RPS8: variants seen among roughly 807,000 people sequenced by gnomAD.
RPS8 encodes ribosomal protein S8.
For synonymous variants in RPS8, 100 were observed against 100.7 expected, an observed-to-expected ratio of 0.99 and a Z score of 0.04; for missense variants, 141 against 269.7, an observed-to-expected ratio of 0.52 and a Z score of 3.34.
intron 3 of RPS8, 44 bp downstream of exon 3, chr1:44,776,818 C>T: frequency 6.9e-7 from 1 of 1,457,740 alleles, no homozygotes; most frequent in South Asian, 1.2e-5. Context: ...CGCACCTAAA[C>T]GGTCTTAAGA....
chr1:44,775,923 C>T (rs755339411), intron 1 of RPS8, 111 bp from the exon 2 acceptor site: 1 of 1,040,266 alleles, frequency 9.6e-7, no homozygotes, highest in Non-Finnish European at 1.5e-6. Context: ...GGGAAGCCAA[C>T]CTTGGAGAGC....
rs767419318 is a variant in RPS8, at chr1:44,778,609, G to A, written c.551G>A (p.Arg184Gln). The A allele has an allele frequency of 2.5e-6, 4 of 1,613,800 alleles. No homozygotes were observed. The East Asian group carries it at 6.7e-5, about 27-fold the overall frequency. The change falls in exon 6 of 6, where the codon CGA (arginine) becomes CAA (glutamine). Residue 184 changes from arginine (R) to glutamine (Q), a missense_variant. Transcript: ENST00000396651. ...GCTTCAAGGCCGGGACAGTGTGGCC[G>A]AGCAGATGGCTATGTGCTAGAGGGC... Reference protein sequence around the residue: ...CIASRPGQCGRADGYVLEGKE... With the variant: ...CIASRPGQCGQADGYVLEGKE...
chr1:44,777,813 G>C, intron 4 of RPS8, 24 bp downstream of exon 4: 1 of 1,613,172 alleles, frequency 6.2e-7, no homozygotes. Flanking sequence ...CCCTGTAGGG[G>C]TTGTGGGGAG....
chr1:44,778,045 A>G lies in RPS8; in HGVS notation c.433A>G (p.Ile145Val), dbSNP rs753829232. ...TTTAAACAAAAAACGATCTAAAAAAATTCAGAAGAAATATGATGAAAGGAA... is the reference window on the plus strand; with the variant it reads ...TTTAAACAAAAAACGATCTAAAAAAGTTCAGAAGAAATATGATGAAAGGAA... ...EILNKKRSKK[I>V]QKKYDERKKN... The change falls in exon 5 of 6, where the codon ATT becomes GTT. Residue 145 changes from isoleucine (I) to valine (V), a missense_variant. By Grantham distance (29) the Ile-to-Val change is conservative. Transcript: ENST00000396651. 1 of 1,613,706 alleles carries G rather than the reference A, an allele frequency of 6.2e-7. No homozygotes were observed. Among genetic ancestry groups the G allele is most frequent in the Admixed American group, 1.7e-5 (1 of 59,942 alleles).
At chr1:44,775,883 G>A (rs540785279) in intron 1 of RPS8, 151 bp from the exon 2 acceptor site, 3 of 848,422 alleles carry the variant, frequency 3.5e-6, no homozygotes, top group Non-Finnish European at 6.2e-6. Context: ...TGACAACTCG[G>A]TAATGCTGCA....
At chr1:44,775,791 C>CCGGGCCG (rs1650824997) in intron 1 of RPS8, 191 bp downstream of exon 1, 3 of 876,786 alleles carry the variant, frequency 3.4e-6, no homozygotes, top group Non-Finnish European at 5.5e-6. Context: ...GCTCCGGGTT[C>CCGGGCCG]CGGGCCGCGG....
Position 44,778,213 on chromosome 1 carries a change from C to T in RPS8, c.517+84C>T. 3.9e-6 allele frequency: 6 copies of T among 1,529,920 alleles called. No homozygotes were observed. The Admixed American group carries it at 1.1e-4, about 28-fold the overall frequency. The allele number at this position is 1,529,920 out of a possible 1,614,324, so 94.8% of individuals were successfully genotyped here. On this transcript the variant is annotated intron_variant, in intron 5 of 5. Coordinates refer to ENST00000396651, the MANE Select transcript of RPS8 (RefSeq NM_001012.2). ...TTTTCCCTTGTCTCAGTTCCTTTGA[C>T]TGCCAGCCATGCAGTCTAAAGGGTT...
chr1:44,775,973 T>G (rs1302472289), intron 1 of RPS8, 61 bp from the exon 2 acceptor site: 2 of 1,521,534 alleles, frequency 1.3e-6, no homozygotes, highest in Non-Finnish European at 1.8e-6. Context: ...CTCCGGGAGC[T>G]GGCGAGTCGC....
chr1:44,775,713 G>A lies in RPS8; in HGVS notation c.4+113G>A, dbSNP rs1400673784. 1.4e-5 allele frequency: 19 copies of A among 1,383,136 alleles called. No individual in the cohort carries two copies. In the Admixed American group the frequency reaches 3.0e-4, roughly 22 times the overall value. The allele number at this position is 1,383,136 out of a possible 1,614,324, so 85.7% of individuals were successfully genotyped here. A position where few individuals can be genotyped will look rare whatever the true frequency, so the allele number is the denominator to read the frequency against. On this transcript the variant is annotated intron_variant, in intron 1 of 5. Coordinates refer to ENST00000396651, the MANE Select transcript of RPS8 (RefSeq NM_001012.2). ...ACGCCCCGACCCCCGGCCAGGGACA[G>A]CCACGAGGAGTGGTGGCCCTCGGGT...
At chr1:44,778,545 G>C (rs374943975) in intron 5 of RPS8, 31 bp from the exon 6 acceptor site, 1 of 1,575,504 alleles carries the variant, frequency 6.3e-7, no homozygotes, top group East Asian at 2.2e-5. Flanking sequence ...CCACCTTGTC[G>C]TTGTGCTAAG....
chr1:44,777,844 C>T (rs759105114), intron 4 of RPS8, 55 bp downstream of exon 4: 7 of 1,594,782 alleles, frequency 4.4e-6, no homozygotes, highest in African/African-American at 1.3e-5. Flanking sequence ...CTCCAGCCTT[C>T]TCGTGATGAA....
intron 3 of RPS8, 158 bp downstream of exon 3, chr1:44,776,932 G>A (rs758755148): frequency 1.5e-4 from 86 of 562,818 alleles, no homozygotes; most frequent in Non-Finnish European, 2.5e-4. Flanking sequence ...GTCCAGCCTG[G>A]GCAACAGAGC....
Sources: allele counts gnomAD v4.1 joint callset, GRCh38; gene constraint gnomAD v4.1.1; transcripts MANE v1.5; gene names NCBI Gene and HGNC (gene_info 2026-07-23, HGNC 2026-07-21).